ADGRL2: variants seen among roughly 807,000 people sequenced by gnomAD.
The protein encoded by ADGRL2 is calcium-independent alpha-latrotoxin receptor 2.
Under a neutral mutation model 157.4 loss-of-function variants are expected in ADGRL2, and 44 were observed. The ratio of observed to expected loss-of-function variants is 0.28; its 90% CI spans 0.22 to 0.36. ADGRL2 has a LOEUF of 0.36. ADGRL2 is among the 10% of genes least tolerant of loss of function. The probability of loss-of-function intolerance (pLI) is 1.00; values close to 1 mark genes in which losing one functional copy is unlikely to be tolerated. For missense variants in ADGRL2, 1,510 were observed against 1,768.9 expected (o/e 0.85, Z 2.63); for synonymous variants, 585 against 624.7 (o/e 0.94, Z 0.95).
At chr1:81,793,238 T>C (rs774413569) in intron 2 of ADGRL2, among the ~76,000 whole-genome samples, 6 of 150,070 alleles carry the variant, frequency 4.0e-5, no homozygotes, top group Non-Finnish European at 8.8e-5. Context: ...CTCTTGTTTA[T>C]AATAGAAACA....
In ADGRL2 at chr1:81,439,242, A is replaced by T. The variant is rs142803529; in HGVS notation, c.-301-5794A>T. Reference sequence around the variant, plus strand: ...CTTTCATCTGTAGGGTTTCTATCTTATTAAGAGCAAACTCTCATTTTCAAA... The same window carrying T: ...CTTTCATCTGTAGGGTTTCTATCTTTTTAAGAGCAAACTCTCATTTTCAAA... On this transcript the variant is annotated intron_variant, in intron 1 of 24. Transcript: ENST00000370721. Among the ~76,000 whole-genome samples, 25 of 152,284 alleles carry T rather than the reference A, an allele frequency of 1.6e-4. No homozygotes were observed. In the East Asian group the frequency reaches 4.5e-3, roughly 27 times the overall value.
Position 81,941,040 on chromosome 1 carries a change from G to A in ADGRL2, c.398-994G>A, listed in dbSNP as rs150600190. Among the ~76,000 whole-genome samples the A allele has an allele frequency of 5.4e-4, 82 of 150,964 alleles. 1 individual carries two copies. The highest frequency in any genetic ancestry group is 1.9e-3 in the African/African-American group (77 of 41,306). On this transcript the variant is annotated intron_variant, in intron 4 of 23. Coordinates refer to ENST00000686636, the MANE Select transcript of ADGRL2 (RefSeq NM_001366006.2). ...GTCAAGGTATTTGCTCTGAATGCTC[G>A]GTATGATTGTTGTTGCATGCTAGCT... is the stretch of plus-strand genomic sequence containing the variant.
intron 1 of ADGRL2, among the ~76,000 whole-genome samples, chr1:81,807,434 A>G (rs1007528170): frequency 6.6e-6 from 1 of 152,024 alleles, no homozygotes; most frequent in African/African-American, 2.4e-5. Context: ...CACTCAGATT[A>G]TTGTAATTAG....
intron 1 of ADGRL2, among the ~76,000 whole-genome samples, chr1:81,746,975 C>T (rs1191956372): frequency 6.8e-6 from 1 of 147,478 alleles, no homozygotes; most frequent in African/African-American, 2.5e-5. Flanking sequence ...CACACGTATA[C>T]ACACGTGTGT....
intron 2 of ADGRL2, among the ~76,000 whole-genome samples, chr1:81,872,214 G>C (rs866532636): frequency 6.6e-6 from 1 of 152,024 alleles, no homozygotes; most frequent in Non-Finnish European, 1.5e-5. Context: ...TCTTGTTTTT[G>C]TCAGGTTTGT....
chr1:81,309,928 C>G (rs917621016), intron 1 of ADGRL2, among the ~76,000 whole-genome samples: 4 of 152,126 alleles, frequency 2.6e-5, no homozygotes, highest in Non-Finnish European at 5.9e-5. Flanking sequence ...CCTAGCAACT[C>G]CATTGAAGTT....
intron 2 of ADGRL2, among the ~76,000 whole-genome samples, chr1:81,895,754 A>G (rs922864188): frequency 4.6e-5 from 7 of 152,062 alleles, no homozygotes; most frequent in Non-Finnish European, 4.4e-5. Flanking sequence ...TTAGTGCTTT[A>G]AAAAAATTGC....
At chr1:81,591,594 G>A (rs894730532) in intron 3 of ADGRL2, among the ~76,000 whole-genome samples, 7 of 152,248 alleles carry the variant, frequency 4.6e-5, no homozygotes, top group African/African-American at 1.7e-4. Context: ...ATGACATTGT[G>A]TAATCCACTC....
chr1:81,657,647 G>A (rs1208379013), intron 3 of ADGRL2, among the ~76,000 whole-genome samples: 1 of 152,094 alleles, frequency 6.6e-6, no homozygotes, highest in African/African-American at 2.4e-5. Flanking sequence ...GCATGTATGT[G>A]TAGTTTTTAG....
chr1:81,356,858 C>G (rs1272567939), intron 1 of ADGRL2, among the ~76,000 whole-genome samples: 2 of 144,152 alleles, frequency 1.4e-5, no homozygotes, highest in Non-Finnish European at 3.0e-5. Context: ...GAGGCTGAGG[C>G]AGGAGAATGG....
At chr1:81,603,808 C>A (rs1239795384) in intron 3 of ADGRL2, among the ~76,000 whole-genome samples, 2 of 152,106 alleles carry the variant, frequency 1.3e-5, no homozygotes, top group African/African-American at 4.8e-5. Flanking sequence ...TGTTCGTTGT[C>A]TTTTCTTAAA....
chr1:81,833,197 T>A (rs1040060580), intron 1 of ADGRL2, among the ~76,000 whole-genome samples: 45 of 152,312 alleles, frequency 3.0e-4, no homozygotes, highest in South Asian at 6.2e-4. Context: ...TTGACATGTA[T>A]TTAGTACATA....
chr1:81,950,522 A>G, intron 7 of ADGRL2, 40 bp downstream of exon 7: 3 of 1,545,682 alleles, frequency 1.9e-6, no homozygotes, highest in Non-Finnish European at 2.6e-6. Flanking sequence ...TTTTCAATTT[A>G]GTAAGTAGGT....
At chr1:81,485,940 C>T (rs1441578669) in intron 2 of ADGRL2, among the ~76,000 whole-genome samples, 2 of 152,186 alleles carry the variant, frequency 1.3e-5, no homozygotes, top group African/African-American at 2.4e-5. Context: ...GCTAACACCT[C>T]TGCCCTACAT....
At chr1:81,825,112 A>G (rs559775634) in intron 1 of ADGRL2, among the ~76,000 whole-genome samples, 1 of 152,266 alleles carries the variant, frequency 6.6e-6, no homozygotes, top group Non-Finnish European at 1.5e-5. Context: ...TTGGGAGGCC[A>G]AGGCGGGAGG....
intron 1 of ADGRL2, among the ~76,000 whole-genome samples, chr1:81,817,071 C>G (rs962230385): frequency 6.6e-6 from 1 of 151,676 alleles, no homozygotes; most frequent in African/African-American, 2.4e-5. Context: ...GTTATACCCT[C>G]TAAGTAATTT....
chr1:81,442,477 C>T (rs932527860), intron 1 of ADGRL2, among the ~76,000 whole-genome samples: 3 of 152,170 alleles, frequency 2.0e-5, no homozygotes, highest in African/African-American at 7.2e-5. Flanking sequence ...AACTGAAGGG[C>T]TACTTTATTT....
intron 2 of ADGRL2, among the ~76,000 whole-genome samples, chr1:81,897,387 A>G (rs541811219): frequency 6.6e-6 from 1 of 152,196 alleles, no homozygotes; most frequent in East Asian, 1.9e-4. Flanking sequence ...TTTGTGGCAT[A>G]TATTATTTTT....
At chr1:81,318,169 A>T (rs866616166) in intron 1 of ADGRL2, among the ~76,000 whole-genome samples, 1 of 152,168 alleles carries the variant, frequency 6.6e-6, no homozygotes, top group Non-Finnish European at 1.5e-5. Context: ...TCTGTATTTT[A>T]TGTTATGAAT....
Sources: gnomAD v4.1 joint callset for allele counts (sites outside exome capture counted in the v4.1 genomes callset) on GRCh38, gnomAD v4.1.1 for gene constraint, MANE v1.5 for transcripts, NCBI Gene and HGNC (gene_info 2026-07-23, HGNC 2026-07-21) for gene names.